The following PRDM2 variants were observed in gnomAD, a reference collection of about 807,000 sequenced individuals.
The protein encoded by PRDM2 is PR/SET domain 2, also known as PR domain zinc finger protein 2.
In PRDM2, 30 loss-of-function variants were observed where a neutral mutation model predicts 130.0. That is an observed-to-expected ratio of 0.23 (90% CI 0.17 to 0.31). PRDM2 has a LOEUF of 0.31. Ranked by LOEUF, PRDM2 falls within the 10% of genes least tolerant of loss-of-function variation. The pLI is 1.00. For missense variants in PRDM2, 2,011 were observed against 2,108.4 expected, an observed-to-expected ratio of 0.95 and a Z score of 0.90; for synonymous variants, 871 against 782.4, an observed-to-expected ratio of 1.11 and a Z score of -1.89.
At chr1:13,817,595 G>A (rs2100770297) in intron 9 of PRDM2, among the ~76,000 whole-genome samples, 1 of 151,504 alleles carries the variant, frequency 6.6e-6, no homozygotes, top group East Asian at 1.9e-4. Context: ...GATCTAGGAT[G>A]CTTTTATAAA....
At chr1:13,738,055 G>T (rs1049155348) in intron 4 of PRDM2, among the ~76,000 whole-genome samples, 4 of 151,892 alleles carry the variant, frequency 2.6e-5, no homozygotes, top group African/African-American at 9.7e-5. Flanking sequence ...TCATTTAAAA[G>T]TAGGAATAAA....
chr1:13,708,454 A>G (rs777057640), intron 1 of PRDM2, among the ~76,000 whole-genome samples: 1 of 152,188 alleles, frequency 6.6e-6, no homozygotes, highest in Admixed American at 6.5e-5. Context: ...GCCACTGAGA[A>G]CAGCAGACCC....
In PRDM2 at chr1:13,780,267, G is replaced by A. The variant is rs753920953; in HGVS notation, c.2472G>A (p.Leu824=). The change falls in exon 8 of 10, where the codon CTG becomes CTA. Residue 824 remains leucine, a synonymous_variant. Coordinates refer to ENST00000311066, the MANE Select transcript of PRDM2 (RefSeq NM_001393986.1). ...GCAGTGTGTGCAACCAGCAGCCACT[G>A]GATTTATCCAGCGGTGTCAAACAGA... ...AFSSVCNQQP[L]DLSSGVKQKA... 5 of 1,613,890 alleles carry A rather than the reference G, an allele frequency of 3.1e-6. No individual in the cohort carries two copies. In the African/African-American group the frequency reaches 6.7e-5, roughly 22 times the overall value.
intron 8 of PRDM2, among the ~76,000 whole-genome samples, chr1:13,812,814 T>C (rs374737029): frequency 6.6e-6 from 1 of 152,228 alleles, no homozygotes; most frequent in African/African-American, 2.4e-5. Context: ...TCACATGTGC[T>C]GGATTCTTCC....
intron 8 of PRDM2, among the ~76,000 whole-genome samples, chr1:13,797,329 C>T (rs545443580): frequency 2.6e-5 from 4 of 152,284 alleles, no homozygotes; most frequent in South Asian, 4.1e-4. Context: ...TTTAATTTTA[C>T]GAGTGAGTTT....
intron 2 of PRDM2, among the ~76,000 whole-genome samples, chr1:13,724,562 T>G (rs1189329336): frequency 6.6e-6 from 1 of 150,450 alleles, no homozygotes; most frequent in East Asian, 2.0e-4. Flanking sequence ...TGGCACGATC[T>G]CGGCTCACTG....
chr1:13,738,088 T>C (rs1323923230), intron 4 of PRDM2, among the ~76,000 whole-genome samples: 1 of 152,182 alleles, frequency 6.6e-6, no homozygotes, highest in Non-Finnish European at 1.5e-5. Flanking sequence ...TGATCTCACT[T>C]TGGTAAAAAA....
chr1:13,739,657 C>A lies in PRDM2; in HGVS notation c.232-2348C>A, dbSNP rs1325709086. ...ATTGGAAGCAATTTACAGTAAACCA[C>A]ACTTCTGTGAACATTTTTGTATATA... On this transcript the variant is annotated intron_variant, in intron 4 of 9. Transcript: ENST00000311066. Among the ~76,000 whole-genome samples the A allele has an allele frequency of 2.0e-5, 3 of 152,326 alleles. No homozygotes were observed. In the South Asian group the frequency reaches 6.2e-4, roughly 32 times the overall value.
intron 9 of PRDM2, among the ~76,000 whole-genome samples, chr1:13,819,445 G>C (rs1479047372): frequency 1.3e-5 from 2 of 152,170 alleles, no homozygotes; most frequent in African/African-American, 4.8e-5. Flanking sequence ...CAACAACGAA[G>C]GCTCCAAACT....
intron 5 of PRDM2, among the ~76,000 whole-genome samples, 158 bp from the exon 6 acceptor site, chr1:13,749,203 A>G (rs767594817): frequency 2.7e-5 from 4 of 150,540 alleles, no homozygotes; most frequent in African/African-American, 9.7e-5. Flanking sequence ...CGCGGCCCGC[A>G]CGGGGCCGGG....
At chr1:13,768,465 C>T (rs1271373327) in intron 6 of PRDM2, among the ~76,000 whole-genome samples, 1 of 151,744 alleles carries the variant, frequency 6.6e-6, no homozygotes, top group Non-Finnish European at 1.5e-5. Context: ...CTGCAGTCTC[C>T]ACCTCCCGGG....
chr1:13,791,773 A>G (rs1187506058), intron 8 of PRDM2, among the ~76,000 whole-genome samples: 1 of 152,242 alleles, frequency 6.6e-6, no homozygotes, highest in Non-Finnish European at 1.5e-5. Flanking sequence ...ATTAAAAGGT[A>G]CCCAGAAATA....
At chr1:13,770,951 A>G (rs1386814618) in intron 6 of PRDM2, among the ~76,000 whole-genome samples, 2 of 152,218 alleles carry the variant, frequency 1.3e-5, no homozygotes, top group Non-Finnish European at 2.9e-5. Flanking sequence ...TGGGTGGGCG[A>G]TAAGCATTTT....
intron 8 of PRDM2, among the ~76,000 whole-genome samples, chr1:13,800,943 C>T (rs1253914815): frequency 2.6e-5 from 4 of 152,200 alleles, no homozygotes; most frequent in South Asian, 2.1e-4. Flanking sequence ...GGAAACTGTA[C>T]TGAGGGGGCA....
chr1:13,767,535 A>G (rs1644256908), intron 6 of PRDM2, among the ~76,000 whole-genome samples: 1 of 151,492 alleles, frequency 6.6e-6, no homozygotes, highest in Non-Finnish European at 1.5e-5. Context: ...TGAGCCCCTA[A>G]GCTTAAGCAA....
intron 2 of PRDM2, among the ~76,000 whole-genome samples, chr1:13,729,495 T>G (rs897155208): frequency 1.3e-5 from 2 of 152,186 alleles, no homozygotes; most frequent in African/African-American, 4.8e-5. Flanking sequence ...CAACTACCAG[T>G]GTAATACCTT....
At chr1:13,790,347 G>A (rs1644819471) in intron 8 of PRDM2, among the ~76,000 whole-genome samples, 1 of 152,164 alleles carries the variant, frequency 6.6e-6, no homozygotes, top group Non-Finnish European at 1.5e-5. Context: ...TCTTTCTAAG[G>A]CTGGCGGGGC....
chr1:13,713,329 A>G (rs1366207770), intron 1 of PRDM2, among the ~76,000 whole-genome samples: 3 of 152,208 alleles, frequency 2.0e-5, no homozygotes, highest in Admixed American at 6.5e-5. Context: ...AGGCAGGAGT[A>G]AAAAATTGGT....
Position 13,806,969 on chromosome 1 carries a change from C to G in PRDM2, c.5037-9458C>G, listed in dbSNP as rs1645095185. Reference sequence around the variant, plus strand: ...TCCCCCCACCCCAGGTCGTAGCCCACACACTGCCGTTTCCCATGTCACCTT... The same window carrying G: ...TCCCCCCACCCCAGGTCGTAGCCCAGACACTGCCGTTTCCCATGTCACCTT... On this transcript the variant is annotated intron_variant, in intron 8 of 9. Coordinates refer to ENST00000311066, the MANE Select transcript of PRDM2 (RefSeq NM_001393986.1). The surrounding 1 kb of genome is among the most constrained non-coding windows in gnomAD (Gnocchi z 4.1). 6.6e-6 allele frequency among the ~76,000 whole-genome samples: 1 copy of G among 152,168 alleles called. No individual in the cohort carries two copies. Among genetic ancestry groups the G allele is most frequent in the African/African-American group, 2.4e-5 (1 of 41,430 alleles).
Sources: allele counts gnomAD v4.1 joint callset (sites outside exome capture counted in the v4.1 genomes callset), GRCh38; gene constraint gnomAD v4.1.1; non-coding constraint Gnocchi (gnomAD v3.1); transcripts MANE v1.5; gene names NCBI Gene and HGNC (gene_info 2026-07-23, HGNC 2026-07-21).